Variants in WDFY3 observed in about 807,000 individuals in gnomAD.
WDFY3 encodes the protein WD repeat and FYVE domain-containing protein 3.
A neutral mutation model predicts 409.6 loss-of-function variants in WDFY3; 66 were observed. The observed-to-expected ratio is 0.16, with a 90% CI of 0.13 to 0.20. WDFY3 has a LOEUF of 0.20. Ranked by LOEUF, WDFY3 falls within the 10% of genes least tolerant of loss-of-function variation. The probability of loss-of-function intolerance (pLI) is 1.00; values close to 1 mark genes in which losing one functional copy is unlikely to be tolerated. For missense variants in WDFY3, 3,031 were observed against 4,298.1 expected, an observed-to-expected ratio of 0.71 and a Z score of 8.24; for synonymous variants, 1,521 against 1,537.1, an observed-to-expected ratio of 0.99 and a Z score of 0.25.
chr4:84,674,634 C>G (rs964640013), intron 67 of WDFY3, among the ~76,000 whole-genome samples: 6 of 151,186 alleles, frequency 4.0e-5, no homozygotes, highest in African/African-American at 1.5e-4. Context: ...CTTTGGGAGG[C>G]CAAGGTGGGC....
intron 53 of WDFY3, among the ~76,000 whole-genome samples, chr4:84,707,855 C>T (rs1457774742): frequency 6.6e-6 from 1 of 152,172 alleles, no homozygotes; most frequent in African/African-American, 2.4e-5. Flanking sequence ...AATGAACTAA[C>T]GTACACCCAT....
Position 84,716,777 on chromosome 4 carries a change from C to T in WDFY3, c.7875+119G>A, listed in dbSNP as rs375909809. 2.6e-4 allele frequency: 211 copies of T among 820,968 alleles called. 2 individuals are homozygous for T. The African/African-American group carries it at 2.7e-3, about 10-fold the overall frequency. The allele number at this position is 820,968 out of a possible 1,614,324, so 50.9% of individuals were successfully genotyped here. A position where few individuals can be genotyped will look rare whatever the true frequency, so the allele number is the denominator to read the frequency against. ...TCATGCCACTGCACTCCAGCCTGGG[C>T]GACAGAGTGAGACTCTGTCTCAAAA... On this transcript the variant is annotated intron_variant, in intron 49 of 67. Coordinates refer to ENST00000295888, the MANE Select transcript of WDFY3 (RefSeq NM_014991.6).
chr4:84,847,932 T>C (rs1346706364), intron 5 of WDFY3, among the ~76,000 whole-genome samples: 2 of 138,992 alleles, frequency 1.4e-5, no homozygotes, highest in Non-Finnish European at 3.1e-5. Context: ...ATGTCACAAA[T>C]GAAAAAAAAA....
At position 84,829,021 on chromosome 4, in the gene WDFY3, A is replaced by C; in HGVS notation, c.939T>G (p.Leu313=). 6.2e-7 allele frequency: 1 copy of C among 1,610,700 alleles called. No individual in the cohort carries two copies. The highest frequency in any genetic ancestry group is 8.5e-7 in the Non-Finnish European group (1 of 1,178,576). The change falls in exon 9 of 68, where the codon CTT becomes CTG. Residue 313 remains leucine, a synonymous_variant. Transcript: ENST00000295888. The part of the protein sequence containing the change: ...DFRIWQGYNF[L]CDLLLRLEQA... ...AGTCTTACCTAAGCAAGAGATCACA[A>C]AGAAAATTATATCCTTGCCATATCC...
rs905892447 is a variant in WDFY3, at chr4:84,720,635, C to T, written c.7605+774G>A. Among the ~76,000 whole-genome samples, 4 of 152,264 alleles carry T rather than the reference C, an allele frequency of 2.6e-5. No homozygotes were observed. In the South Asian group the frequency reaches 8.3e-4, roughly 32 times the overall value. ...TTCTCACTATGTGACAAGCCTATTC[C>T]CCCTTCATCTTTTGCCATGAGTTAA... On this transcript the variant is annotated intron_variant, in intron 47 of 67. Coordinates refer to ENST00000295888, the MANE Select transcript of WDFY3 (RefSeq NM_014991.6).
At chr4:84,695,457 G>GTA (rs1729933462) in intron 58 of WDFY3, among the ~76,000 whole-genome samples, 1 of 150,062 alleles carries the variant, frequency 6.7e-6, no homozygotes, top group South Asian at 2.1e-4. Context: ...CCGTGTGTGT[G>GTA]TGTGTGTGTG....
intron 60 of WDFY3, 131 bp from the exon 61 acceptor site, chr4:84,690,795 T>G (rs1263692048): frequency 8.8e-7 from 1 of 1,138,390 alleles, no homozygotes; most frequent in African/African-American, 1.6e-5. Flanking sequence ...CTGAGCTAGC[T>G]TTAGTTCAGA....
rs869074191 is a variant in WDFY3, at chr4:84,850,928, G to GTTTTTTTTTTTTTTTTTTTTTTTT, written c.181-927_181-904dup. Reference sequence around the variant, plus strand: ...TTCTTATTTTTAATTTTATTTATCTGTTTTTTTTTTTTTTTTTTTTTTTTT... The same window carrying GTTTTTTTTTTTTTTTTTTTTTTTT: ...TTCTTATTTTTAATTTTATTTATCTGTTTTTTTTTTTTTTTTTTTTTTTTTTTTTTTTTTTTTTTTTTTTTTTTT... On this transcript the variant is annotated intron_variant, in intron 4 of 67. Coordinates refer to ENST00000295888, the MANE Select transcript of WDFY3 (RefSeq NM_014991.6). Among the ~76,000 whole-genome samples, 35 of 46,250 alleles carry GTTTTTTTTTTTTTTTTTTTTTTTT rather than the reference G, an allele frequency of 7.6e-4. 10 individuals are homozygous for GTTTTTTTTTTTTTTTTTTTTTTTT. Among genetic ancestry groups the GTTTTTTTTTTTTTTTTTTTTTTTT allele is most frequent in the Non-Finnish European group, 8.5e-4 (22 of 25,880 alleles). The allele number at this position is 46,250 out of a possible 152,430, so 30.3% of individuals were successfully genotyped here.
chr4:84,801,218 T>C (rs993236390), intron 17 of WDFY3, among the ~76,000 whole-genome samples: 1 of 152,206 alleles, frequency 6.6e-6, no homozygotes, highest in African/African-American at 2.4e-5. Flanking sequence ...TACTGTAGTA[T>C]AGTTATGTAA....
chr4:84,956,079 ATAT>A (rs1774204617), intron 1 of WDFY3, among the ~76,000 whole-genome samples: 1 of 152,170 alleles, frequency 6.6e-6, no homozygotes, highest in South Asian at 2.1e-4. Flanking sequence ...CCTCAGGCTA[ATAT>A]TAAATAAGTT....
intron 1 of WDFY3, among the ~76,000 whole-genome samples, chr4:84,954,047 T>C (rs1773942906): frequency 6.6e-6 from 1 of 152,162 alleles, no homozygotes; most frequent in Admixed American, 6.5e-5. Context: ...GAACTACCCA[T>C]GTGTAAAGCG....
At chr4:84,851,518 T>C (rs897529548) in intron 4 of WDFY3, among the ~76,000 whole-genome samples, 1 of 151,876 alleles carries the variant, frequency 6.6e-6, no homozygotes, top group Admixed American at 6.6e-5. Flanking sequence ...GAACATAAAC[T>C]AAAATCAAGA....
At chr4:84,773,472 G>T (rs1269863747) in intron 29 of WDFY3, among the ~76,000 whole-genome samples, 1 of 152,132 alleles carries the variant, frequency 6.6e-6, no homozygotes, top group African/African-American at 2.4e-5. Flanking sequence ...AATTCCTGGA[G>T]TAGGGGGAAC....
rs558204880 is a variant in WDFY3 at position 84,880,966 on chromosome 4, G to A, written c.-32+15945C>T. 1.4e-3 allele frequency among the ~76,000 whole-genome samples: 216 copies of A among 151,294 alleles called. 1 individual carries two copies. The highest frequency in any genetic ancestry group is 5.0e-3 in the African/African-American group (207 of 41,246). On this transcript the variant is annotated intron_variant, in intron 3 of 67. Coordinates refer to ENST00000295888, the MANE Select transcript of WDFY3 (RefSeq NM_014991.6). ...TTGAACTCCTGACCTTAAGTGATCC[G>A]CCCTCCTCGGCCTCCCAGATTGCTG...
At chr4:84,834,490 C>CA (rs199974982) in intron 7 of WDFY3, among the ~76,000 whole-genome samples, 20,602 of 141,954 alleles carry the variant, frequency 0.15, 1,612 homozygotes, top group South Asian at 0.28. Context: ...CTACTAAAAA[C>CA]AAAAAAAAAA....
chr4:84,711,925 T>C (rs1732973519), intron 51 of WDFY3, among the ~76,000 whole-genome samples: 1 of 152,114 alleles, frequency 6.6e-6, no homozygotes, highest in East Asian at 1.9e-4. Context: ...AATAGTACAA[T>C]ATAAACTTGT....
intron 13 of WDFY3, among the ~76,000 whole-genome samples, chr4:84,812,136 C>A (rs1276090912): frequency 1.3e-5 from 2 of 152,044 alleles, no homozygotes; most frequent in Non-Finnish European, 2.9e-5. Flanking sequence ...CACACCTATT[C>A]CTTAATATTT....
intron 14 of WDFY3, 74 bp from the exon 15 acceptor site, chr4:84,808,491 T>G: frequency 7.8e-7 from 1 of 1,284,896 alleles, no homozygotes; most frequent in Non-Finnish European, 1.1e-6. Flanking sequence ...AGTTGGTTAG[T>G]TTCACAAGAA....
chr4:84,713,276 G>A, intron 50 of WDFY3, 37 bp from the exon 51 acceptor site: 1 of 1,573,188 alleles, frequency 6.4e-7, no homozygotes, highest in Non-Finnish European at 8.7e-7. Context: ...TACAAGTGAA[G>A]TCTCAGTCAG....
Sources: gnomAD v4.1 joint callset for allele counts (sites outside exome capture counted in the v4.1 genomes callset) on GRCh38, gnomAD v4.1.1 for gene constraint, MANE v1.5 for transcripts, NCBI Gene and HGNC (gene_info 2026-07-23, HGNC 2026-07-21) for gene names.